The following RASGRP4 variants were observed in gnomAD, a reference collection of about 807,000 sequenced individuals.
The protein encoded by RASGRP4 is RAS guanyl-releasing protein 4.
In RASGRP4, 52 loss-of-function variants were observed where a neutral mutation model predicts 84.4. The ratio of observed to expected loss-of-function variants is 0.62; its 90% CI spans 0.49 to 0.78. RASGRP4 has a LOEUF of 0.78. RASGRP4 is among the 30% of genes least tolerant of loss of function. RASGRP4 has a pLI of 0.00. For synonymous variants in RASGRP4, 356 were observed against 359.1 expected, an observed-to-expected ratio of 0.99 and a Z score of 0.10; for missense variants, 760 against 886.9, an observed-to-expected ratio of 0.86 and a Z score of 1.82.
chr19:38,409,176 C>G lies in RASGRP4; in HGVS notation c.*864G>C. On this transcript the variant is annotated 3_prime_UTR_variant, in exon 17 of 17. Transcript: ENST00000615439. Reference sequence around the variant, plus strand: ...TCTCTGCTCCCTGGGACTGAATGGGCCCCTGCTGCTCGACCCTCAAAGTTC... The same window carrying G: ...TCTCTGCTCCCTGGGACTGAATGGGGCCCTGCTGCTCGACCCTCAAAGTTC... The G allele has an allele frequency of 1.1e-5, 3 of 280,244 alleles. No homozygotes were observed. The South Asian group carries it at 2.2e-4, about 20-fold the overall frequency. 17.4% of individuals were successfully genotyped at this position (280,244 alleles called of 1,614,324 possible).
chr19:38,425,375 C>T (rs752999293), intron 1 of RASGRP4, among the ~76,000 whole-genome samples: 5 of 152,062 alleles, frequency 3.3e-5, no homozygotes, highest in African/African-American at 9.7e-5. Context: ...AAGAAAAACC[C>T]GAGACACAGA....
Position 38,412,953 on chromosome 19 carries a change from G to T in RASGRP4, c.1513C>A (p.Leu505Ile). Residue 505 changes from leucine (L) to isoleucine (I), a missense_variant, in exon 12 of 17, where the codon CTT (leucine) becomes ATT (isoleucine). By Grantham distance (5) the Leu-to-Ile change is conservative. Transcript: ENST00000615439. The surrounding 1 kb of genome is among the most constrained non-coding windows in gnomAD (Gnocchi z 4.6). ...SGNFPFACHG[L>I]HPPPRQGRGS... ...TACCCCTGGCGTGGGGGTGGGTGAA[G>T]CCCATGGCAGGCGAAGGGAAAATTG... 1 of 1,614,004 alleles carries T rather than the reference G, an allele frequency of 6.2e-7. No homozygotes were observed. The highest frequency in any genetic ancestry group is 8.5e-7 in the Non-Finnish European group (1 of 1,179,848).
chr19:38,411,939 A>T (rs1971273220), intron 13 of RASGRP4, among the ~76,000 whole-genome samples: 1 of 152,196 alleles, frequency 6.6e-6, no homozygotes, highest in Non-Finnish European at 1.5e-5. Flanking sequence ...GTCTCGGGTT[A>T]TAGGTTGAGA....
chr19:38,417,267 G>T lies in RASGRP4; in HGVS notation c.838-99C>A. On this transcript the variant is annotated intron_variant, in intron 7 of 16. Coordinates refer to ENST00000615439, the MANE Select transcript of RASGRP4 (RefSeq NM_170604.3). This position sits in a 1 kb window ranked among gnomAD's most constrained non-coding sequence, Gnocchi z 5.1. ...AGTTGAGGTGGGGTCCCAGGCATGT[G>T]TGGACCAATGTGGGGATCAGACAGG... 1.4e-6 allele frequency: 1 copy of T among 740,568 alleles called. No individual in the cohort carries two copies. The allele number at this position is 740,568 out of a possible 1,614,324, so 45.9% of individuals were successfully genotyped here.
intron 6 of RASGRP4, among the ~76,000 whole-genome samples, chr19:38,419,073 C>T (rs73930571): frequency 6.6e-6 from 1 of 152,160 alleles, no homozygotes; most frequent in South Asian, 2.1e-4. Flanking sequence ...TGCATACACA[C>T]TCACACACAC....
chr19:38,420,390 A>T, intron 4 of RASGRP4, 128 bp from the exon 5 acceptor site: 23 of 898,420 alleles, frequency 2.6e-5, no homozygotes, highest in East Asian at 1.0e-4. Flanking sequence ...GGGTCCCTGG[A>T]GGGTTGGGGT....
intron 9 of RASGRP4, 82 bp downstream of exon 9, chr19:38,414,766 G>A: frequency 4.3e-6 from 6 of 1,393,988 alleles, no homozygotes; most frequent in Non-Finnish European, 5.8e-6. Flanking sequence ...TTCTATCCTG[G>A]TCCTGGAGAC....
chr19:38,421,897 A>T lies in RASGRP4; in HGVS notation c.208+72T>A, dbSNP rs542047661. The T allele has an allele frequency of 1.1e-3, 1,474 of 1,368,172 alleles. 2 individuals are homozygous for T. The highest frequency in any genetic ancestry group is 1.4e-3 in the Non-Finnish European group (1,388 of 987,278). The allele number at this position is 1,368,172 out of a possible 1,614,324, so 84.8% of individuals were successfully genotyped here. A position where few individuals can be genotyped will look rare whatever the true frequency, so the allele number is the denominator to read the frequency against. On this transcript the variant is annotated intron_variant, in intron 2 of 16. Transcript: ENST00000615439. ...CCCTGTTCTCATTTTACCTCCAAAA[A>T]CTGAGGTGGAGAGAAGCGAGTGCTG... is the stretch of plus-strand genomic sequence containing the variant.
intron 16 of RASGRP4, 68 bp downstream of exon 16, chr19:38,410,818 C>T: frequency 8.7e-7 from 1 of 1,151,754 alleles, no homozygotes; most frequent in South Asian, 1.3e-5. Flanking sequence ...CAAATCTGTC[C>T]AGTCTTCCCC....
chr19:38,422,356 C>T, intron 1 of RASGRP4, among the ~76,000 whole-genome samples: 1 of 152,208 alleles, frequency 6.6e-6, no homozygotes, highest in East Asian at 1.9e-4. Flanking sequence ...GAGCCCTCTC[C>T]CACAAGCAAA....
In RASGRP4 at chr19:38,421,013, G is replaced by T. The variant is rs57355753; in HGVS notation, c.315-43C>A. 3.9e-3 allele frequency: 6,348 copies of T among 1,608,516 alleles called. 96 individuals are homozygous for T. In the African/African-American group the frequency reaches 0.042, roughly 11 times the overall value. On this transcript the variant is annotated intron_variant, in intron 3 of 16. Coordinates refer to ENST00000615439, the MANE Select transcript of RASGRP4 (RefSeq NM_170604.3). ...CTCTGTTTTCCAGGATCCATGACCT[G>T]CCTGCTCCCCATTCCCATTGCCCAG...
rs1568413853 is a variant in RASGRP4 at position 38,420,228 on chromosome 19, G to C, written c.412C>G (p.Gln138Glu). ...ATGACTTCTTCTAGCTGGGGATCCT[G>C]GTGCATCACCTCAGGGTGTCGCATC... Reference protein sequence around the residue: ...WLMRHPEVMHQDPQLEEVIGR... With the variant: ...WLMRHPEVMHEDPQLEEVIGR... Residue 138 changes from glutamine (Q) to glutamate (E), a missense_variant, in exon 5 of 17, where the codon CAG becomes GAG. Transcript: ENST00000615439. The C allele has an allele frequency of 6.2e-7, 1 of 1,613,058 alleles. No individual in the cohort carries two copies. The highest frequency in any genetic ancestry group is 8.5e-7 in the Non-Finnish European group (1 of 1,179,570).
chr19:38,417,449 G>GATTTGGGGAAT lies in RASGRP4; in HGVS notation c.838-292_838-282dup, dbSNP rs1459080592. 1.3e-5 allele frequency among the ~76,000 whole-genome samples: 2 copies of GATTTGGGGAAT among 152,192 alleles called. No individual in the cohort carries two copies. The highest frequency in any genetic ancestry group is 6.5e-5 in the Admixed American group (1 of 15,288). ...GACAGGAAGTACGAGAAGTTGGGCG[G>GATTTGGGGAAT]ATTTGGGGAATAGACAGGTGTGTGT... is the stretch of plus-strand genomic sequence containing the variant. On this transcript the variant is annotated intron_variant, in intron 7 of 16. Transcript: ENST00000615439. The surrounding 1 kb of genome is among the most constrained non-coding windows in gnomAD (Gnocchi z 5.1).
At chr19:38,414,747 C>G (rs1971423276) in intron 9 of RASGRP4, 101 bp downstream of exon 9, 1 of 1,277,020 alleles carries the variant, frequency 7.8e-7, no homozygotes, top group African/African-American at 1.5e-5. Flanking sequence ...CCCATGCACT[C>G]CAGCACTTTT....
intron 13 of RASGRP4, 54 bp from the exon 14 acceptor site, chr19:38,411,435 A>G: frequency 6.8e-7 from 1 of 1,468,316 alleles, no homozygotes; most frequent in Non-Finnish European, 9.1e-7. Context: ...AGGGCTGTGG[A>G]TTGGCAGGGC....
chr19:38,423,326 A>G (rs1600580607), intron 1 of RASGRP4, among the ~76,000 whole-genome samples: 2 of 151,976 alleles, frequency 1.3e-5, no homozygotes, highest in African/African-American at 4.8e-5. Flanking sequence ...GGAGTTCGAG[A>G]CCACCCCGGC....
chr19:38,421,026 T>A lies in RASGRP4; in HGVS notation c.315-56A>T, dbSNP rs1971723068. On this transcript the variant is annotated intron_variant, in intron 3 of 16. Transcript: ENST00000615439. The stretch of plus-strand genomic sequence containing the variant: ...GATCCATGACCTGCCTGCTCCCCAT[T>A]CCCATTGCCCAGGTTCTCACGACTC... The A allele has an allele frequency of 2.5e-6, 4 of 1,606,996 alleles. No individual in the cohort carries two copies. In the Middle Eastern group the frequency reaches 5.0e-4, roughly 199 times the overall value.
rs1037785427 is a variant in RASGRP4 at position 38,417,403 on chromosome 19, C to G, written c.838-235G>C. 6.6e-6 allele frequency among the ~76,000 whole-genome samples: 1 copy of G among 151,952 alleles called. No homozygotes were observed. The highest frequency in any genetic ancestry group is 1.5e-5 in the Non-Finnish European group (1 of 68,010). The stretch of plus-strand genomic sequence containing the variant: ...GGGTCAAGCAAGTGATTGACTGATA[C>G]GAGGTTAGAAAATCTGGGGAGACAG... On this transcript the variant is annotated intron_variant, in intron 7 of 16. Coordinates refer to ENST00000615439, the MANE Select transcript of RASGRP4 (RefSeq NM_170604.3). This position sits in a 1 kb window ranked among gnomAD's most constrained non-coding sequence, Gnocchi z 5.1.
chr19:38,420,826 G>T, intron 4 of RASGRP4, 82 bp downstream of exon 4: 5 of 1,412,740 alleles, frequency 3.5e-6, no homozygotes, highest in Non-Finnish European at 5.0e-6. Context: ...CTGGCCTGGG[G>T]ATTCTCTGAG....
Sources: gnomAD v4.1 joint callset for allele counts (sites outside exome capture counted in the v4.1 genomes callset) on GRCh38, gnomAD v4.1.1 for gene constraint, Gnocchi (gnomAD v3.1) non-coding constraint, MANE v1.5 for transcripts, NCBI Gene and HGNC (gene_info 2026-07-23, HGNC 2026-07-21) for gene names.